Variants in KTN1 observed in about 807,000 individuals in gnomAD.
KTN1 encodes kinectin.
In KTN1, 130 loss-of-function variants were observed where a neutral mutation model predicts 222.5. The ratio of observed to expected loss-of-function variants is 0.58; its 90% confidence interval spans 0.51 to 0.68. The LOEUF (loss-of-function observed/expected upper bound fraction) is 0.68, where lower values mean the gene tolerates loss of function less well. KTN1 is among the 30% of genes least tolerant of loss of function. The pLI is 0.00. For missense variants in KTN1, 1,508 were observed against 1,500.4 expected (o/e 1.01, Z -0.08); for synonymous variants, 512 against 496.3 (o/e 1.03, Z -0.42).
At chr14:55,619,394 A>C in intron 5 of KTN1, 82 bp downstream of exon 5, 1 of 1,281,090 alleles carries the variant, frequency 7.8e-7, no homozygotes, top group Non-Finnish European at 1.1e-6. Context: ...AGAGCAATTA[A>C]TATCTACTCC....
At position 55,683,725 on chromosome 14, in the gene KTN1, C is replaced by A. The variant is rs958948096; in HGVS notation, c.4070-374C>A. The A allele has an allele frequency of 6.3e-5, 10 of 159,994 alleles. No homozygotes were observed. The East Asian group carries it at 1.2e-3, about 18-fold the overall frequency. The allele number at this position is 159,994 out of a possible 1,614,324, so 9.9% of individuals were successfully genotyped here. On this transcript the variant is annotated intron_variant, in intron 43 of 43. Coordinates refer to ENST00000395314, the MANE Select transcript of KTN1 (RefSeq NM_001079521.2). ...ATGACCTAAAAAAAAAAAAAAAAAT[C>A]TATTTCTGCTCTTTTAAATTATTTA...
chr14:55,641,635 G>T (rs1318039978), intron 17 of KTN1, 57 bp from the exon 18 acceptor site: 1 of 1,077,196 alleles, frequency 9.3e-7, no homozygotes, highest in African/African-American at 1.6e-5. Flanking sequence ...CCATTCAAAT[G>T]ATTGCTTTAT....
intron 40 of KTN1, chr14:55,675,352 G>A (rs1295422426): frequency 6.5e-6 from 1 of 155,002 alleles, no homozygotes; most frequent in Non-Finnish European, 1.4e-5. Context: ...CTACCCCTTA[G>A]TGAAGCCTTA....
chr14:55,588,051 G>C (rs1157441542), intron 1 of KTN1, among the ~76,000 whole-genome samples: 2 of 152,138 alleles, frequency 1.3e-5, no homozygotes, highest in African/African-American at 4.8e-5. Context: ...CTAGCACCCT[G>C]TACAGTCAGA....
At chr14:55,670,625 T>A in intron 34 of KTN1, 104 bp from the exon 35 acceptor site, 1 of 728,694 alleles carries the variant, frequency 1.4e-6, no homozygotes, top group Non-Finnish European at 2.2e-6. Context: ...CTGTGTAGGT[T>A]TCTTTTATAA....
intron 2 of KTN1, among the ~76,000 whole-genome samples, chr14:55,613,528 C>T (rs1410078925): frequency 6.9e-6 from 1 of 144,644 alleles, no homozygotes; most frequent in Non-Finnish European, 1.5e-5. Flanking sequence ...GAGTCTCACA[C>T]TCTCACCCAG....
chr14:55,670,894 TA>T (rs1405249417), intron 35 of KTN1, 85 bp downstream of exon 35: 4 of 869,514 alleles, frequency 4.6e-6, no homozygotes, highest in Non-Finnish European at 7.2e-6. Flanking sequence ...TTGGAAAAGA[TA>T]AAAGATAATC....
At chr14:55,661,814 T>G in intron 32 of KTN1, 1 of 363,026 alleles carries the variant, frequency 2.8e-6, no homozygotes. Flanking sequence ...AGATGAATTC[T>G]TATTCTTATA....
chr14:55,613,996 A>G (rs746851196), intron 2 of KTN1, among the ~76,000 whole-genome samples: 11 of 152,196 alleles, frequency 7.2e-5, no homozygotes, highest in South Asian at 2.1e-4. Flanking sequence ...CGCTTCATCA[A>G]GCAGATAGTG....
At chr14:55,585,836 T>G (rs185412796) in intron 1 of KTN1, among the ~76,000 whole-genome samples, 2 of 152,328 alleles carry the variant, frequency 1.3e-5, no homozygotes, top group Admixed American at 6.5e-5. Context: ...GCTTCCACTT[T>G]GAATAGGTTC....
In KTN1 at chr14:55,640,097, G is replaced by C. The variant is rs1378685131; in HGVS notation, c.1914+94G>C. On this transcript the variant is annotated intron_variant, in intron 14 of 43. Transcript: ENST00000395314. ...AATCAGTAAGTGTATATGAAAAATG[G>C]AAAATAGTCTAGAATTCATTTGAAA... 5.0e-6 allele frequency: 4 copies of C among 794,136 alleles called. No homozygotes were observed. In the African/African-American group the frequency reaches 7.0e-5, roughly 14 times the overall value. 49.2% of individuals were successfully genotyped at this position (794,136 alleles called of 1,614,324 possible). A position where few individuals can be genotyped will look rare whatever the true frequency, so the allele number is the denominator to read the frequency against.
At chr14:55,633,115 G>T in intron 7 of KTN1, 120 bp from the exon 8 acceptor site, 1 of 473,252 alleles carries the variant, frequency 2.1e-6, no homozygotes, top group Non-Finnish European at 3.7e-6. Flanking sequence ...TATTTGAGAA[G>T]AATGATTCAA....
intron 34 of KTN1, 62 bp from the exon 35 acceptor site, chr14:55,670,667 C>T: frequency 2.4e-5 from 27 of 1,106,664 alleles, no homozygotes; most frequent in Middle Eastern, 2.1e-4. Flanking sequence ...AATGTTTCAC[C>T]TGTTTTATTT....
chr14:55,626,568 G>A (rs2039852289), intron 5 of KTN1, among the ~76,000 whole-genome samples: 1 of 151,916 alleles, frequency 6.6e-6, no homozygotes, highest in African/African-American at 2.4e-5. Flanking sequence ...TTGGTATCGT[G>A]TATAGATCCT....
chr14:55,660,280 A>C (rs1028199949), intron 31 of KTN1, among the ~76,000 whole-genome samples: 2 of 151,926 alleles, frequency 1.3e-5, no homozygotes, highest in African/African-American at 4.8e-5. Flanking sequence ...CGGGAGGCTG[A>C]AGTGGGAGGA....
chr14:55,616,783 G>C, intron 3 of KTN1, 129 bp downstream of exon 3: 3 of 664,596 alleles, frequency 4.5e-6, no homozygotes, highest in Non-Finnish European at 7.3e-6. Context: ...TAATACTAAT[G>C]CAGGTCTAAA....
chr14:55,583,268 G>A (rs1424625449), intron 1 of KTN1, among the ~76,000 whole-genome samples: 1 of 151,966 alleles, frequency 6.6e-6, no homozygotes, highest in Non-Finnish European at 1.5e-5. Context: ...GTGAAAACTA[G>A]GCTATTTTTC....
intron 30 of KTN1, 24 bp from the exon 31 acceptor site, chr14:55,659,639 TGAA>T: frequency 7.2e-7 from 1 of 1,392,978 alleles, no homozygotes; most frequent in Non-Finnish European, 1.0e-6. Flanking sequence ...AGTTTTGTTC[TGAA>T]ATAACATTTA....
intron 33 of KTN1, among the ~76,000 whole-genome samples, chr14:55,666,772 A>C (rs1040987288): frequency 1.3e-5 from 2 of 151,984 alleles, no homozygotes; most frequent in East Asian, 1.9e-4. Context: ...GTTGGAAATA[A>C]GAGAGTTACC....
Sources: allele counts gnomAD v4.1 joint callset (sites outside exome capture counted in the v4.1 genomes callset), GRCh38; gene constraint gnomAD v4.1.1; transcripts MANE v1.5; gene names NCBI Gene and HGNC (gene_info 2026-07-23, HGNC 2026-07-21).